The following PBX1 variants were observed in gnomAD, a reference collection of about 807,000 sequenced individuals.
PBX1 encodes the protein pre-B-cell leukemia transcription factor 1.
In PBX1, 6 loss-of-function variants were observed where a neutral mutation model predicts 53.4. The observed-to-expected ratio is 0.11, with a 90% CI of 0.06 to 0.22. The LOEUF is 0.22. Among genes scored for constraint, PBX1 ranks in the 10% least tolerant of loss-of-function variants. PBX1 has a pLI of 1.00. For missense variants in PBX1, 251 were observed against 551.4 expected (o/e 0.46, Z 5.46); for synonymous variants, 204 against 212.3 (o/e 0.96, Z 0.34).
At chr1:164,707,067 A>G (rs1030491032) in intron 2 of PBX1, among the ~76,000 whole-genome samples, 2 of 152,092 alleles carry the variant, frequency 1.3e-5, no homozygotes, top group Non-Finnish European at 2.9e-5. Context: ...GCTGAAAGGG[A>G]GTGAGCAGGA....
chr1:164,637,439 A>G (rs1285219408), intron 2 of PBX1, among the ~76,000 whole-genome samples: 3 of 152,222 alleles, frequency 2.0e-5, no homozygotes, highest in African/African-American at 4.8e-5. Flanking sequence ...GCCGTTGACT[A>G]TAAGCCAGGG....
At chr1:164,858,731 T>G (rs1483365998) in intron 2 of PBX1, among the ~76,000 whole-genome samples, 1 of 152,226 alleles carries the variant, frequency 6.6e-6, no homozygotes, top group Non-Finnish European at 1.5e-5. Context: ...TATTCAGGCC[T>G]GCTAGACATC....
At chr1:164,662,860 A>G (rs866259448) in intron 2 of PBX1, among the ~76,000 whole-genome samples, 2 of 152,210 alleles carry the variant, frequency 1.3e-5, no homozygotes, top group Middle Eastern at 3.4e-3. Flanking sequence ...AGTGATGGTT[A>G]ATATGCAGAA....
At chr1:164,756,988 T>C (rs1666563340) in intron 2 of PBX1, among the ~76,000 whole-genome samples, 1 of 151,974 alleles carries the variant, frequency 6.6e-6, no homozygotes, top group Non-Finnish European at 1.5e-5. Flanking sequence ...GGGAAGGGAG[T>C]TGGGAGCTGA....
chr1:164,803,517 T>C (rs531334865), intron 4 of PBX1, among the ~76,000 whole-genome samples: 82 of 152,312 alleles, frequency 5.4e-4, no homozygotes, highest in African/African-American at 1.9e-3. Context: ...TGCTGTTTAG[T>C]TGGGGAGACG....
At chr1:164,811,968 A>G in intron 5 of PBX1, 22 bp from the exon 6 acceptor site, 1 of 1,593,134 alleles carries the variant, frequency 6.3e-7, no homozygotes, top group Non-Finnish European at 8.6e-7. Context: ...GAACTTTCTC[A>G]TCTTCTCTTA....
chr1:164,644,564 GT>G (rs57587910), intron 2 of PBX1, among the ~76,000 whole-genome samples: 88 of 146,710 alleles, frequency 6.0e-4, no homozygotes, highest in African/African-American at 1.7e-3. Flanking sequence ...ATCAGCTTTT[GT>G]TTTTTTTTTT....
intron 2 of PBX1, among the ~76,000 whole-genome samples, chr1:164,687,423 G>A (rs2102012886): frequency 6.6e-6 from 1 of 152,098 alleles, no homozygotes; most frequent in African/African-American, 2.4e-5. Context: ...TTAGCCAGGT[G>A]TGGTGGGGCA....
chr1:164,682,888 G>C (rs1274158216), intron 2 of PBX1: 1 of 51,866 alleles, frequency 1.9e-5, no homozygotes, highest in African/African-American at 5.8e-5. Flanking sequence ...TCCTTGCAAG[G>C]GCAGAGCAGC....
At chr1:164,800,071 A>G (rs1215823275) in intron 4 of PBX1, among the ~76,000 whole-genome samples, 182 bp downstream of exon 4, 2 of 152,128 alleles carry the variant, frequency 1.3e-5, no homozygotes, top group Admixed American at 6.5e-5. Flanking sequence ...AGGAAAATAC[A>G]TGGTTGGAGG....
At chr1:164,769,097 C>A (rs1258040375) in intron 2 of PBX1, 1 of 151,974 alleles carries the variant, frequency 6.6e-6, no homozygotes, top group Non-Finnish European at 1.5e-5. Flanking sequence ...AGAAGGAAGG[C>A]AGGCCAGCCA....
At chr1:164,619,351 T>C (rs1263628459) in intron 2 of PBX1, among the ~76,000 whole-genome samples, 2 of 152,026 alleles carry the variant, frequency 1.3e-5, no homozygotes, top group African/African-American at 2.4e-5. Flanking sequence ...GACCATTAAG[T>C]GAAGGCTAAT....
intron 8 of PBX1, among the ~76,000 whole-genome samples, chr1:164,830,270 G>A (rs1174678383): frequency 6.6e-6 from 1 of 152,170 alleles, no homozygotes; most frequent in Non-Finnish European, 1.5e-5. Context: ...ATTGGCAGGA[G>A]AGTGATAAAA....
At chr1:164,837,194 G>A (rs1169763165) in intron 8 of PBX1, among the ~76,000 whole-genome samples, 1 of 152,156 alleles carries the variant, frequency 6.6e-6, no homozygotes, top group South Asian at 2.1e-4. Flanking sequence ...CCGTTAAGAT[G>A]TGTATACAAT....
chr1:164,559,558 C>T lies in PBX1; in HGVS notation c.-265C>T, dbSNP rs1252661812. 1 of 388,692 alleles carries T rather than the reference C, an allele frequency of 2.6e-6. No individual in the cohort carries two copies. The highest frequency in any genetic ancestry group is 3.9e-5 in the East Asian group (1 of 25,532). 24.1% of individuals were successfully genotyped at this position (388,692 alleles called of 1,614,324 possible). ...GTTTATTTTTCTTGCTTTTTGGAGT[C>T]AACACCCTTCCCCACCAGCCCTTAT... On this transcript the variant is annotated 5_prime_UTR_variant, in exon 1 of 9. Transcript: ENST00000420696.
chr1:164,660,558 AC>A (rs74882270), intron 2 of PBX1, among the ~76,000 whole-genome samples: 4,732 of 152,048 alleles, frequency 0.031, 109 homozygotes, highest in East Asian at 0.087. Context: ...CTAGATTAAA[AC>A]CACAGTCAGT....
At chr1:164,605,808 T>A in intron 2 of PBX1, among the ~76,000 whole-genome samples, 1 of 152,240 alleles carries the variant, frequency 6.6e-6, no homozygotes, top group African/African-American at 2.4e-5. Flanking sequence ...AACATCTATT[T>A]GCATACCAAT....
intron 2 of PBX1, among the ~76,000 whole-genome samples, chr1:164,593,295 A>G (rs1262455304): frequency 6.6e-6 from 1 of 152,128 alleles, no homozygotes. Context: ...TTATCTCTTT[A>G]TAATTCCAGA....
chr1:164,694,942 C>T (rs1290859942), intron 2 of PBX1, among the ~76,000 whole-genome samples: 2 of 152,144 alleles, frequency 1.3e-5, no homozygotes, highest in Non-Finnish European at 2.9e-5. Flanking sequence ...TTAAGCAGCC[C>T]ATCGCATCTG....
Sources: allele counts gnomAD v4.1 joint callset (sites outside exome capture counted in the v4.1 genomes callset), GRCh38; gene constraint gnomAD v4.1.1; transcripts MANE v1.5; gene names NCBI Gene and HGNC (gene_info 2026-07-23, HGNC 2026-07-21).